PCDHGB6: variants seen among roughly 807,000 people sequenced by gnomAD.
The protein encoded by PCDHGB6 is protocadherin gamma subfamily B, 6, also known as protocadherin gamma-B6.
In PCDHGB6, 51 loss-of-function variants were observed where a neutral mutation model predicts 59.1. The observed-to-expected ratio is 0.86, with a 90% CI of 0.69 to 1.09. The LOEUF is 1.09. Among genes scored for constraint, PCDHGB6 ranks in the 50% least tolerant of loss-of-function variants. The pLI is 0.00. For synonymous variants in PCDHGB6, 466 were observed against 495.1 expected (o/e 0.94, Z 0.78); for missense variants, 1,148 against 1,205.1 (o/e 0.95, Z 0.70).
At chr5:141,436,959 G>A (rs1385958934) in intron 1 of PCDHGB6, among the ~76,000 whole-genome samples, 1 of 152,120 alleles carries the variant, frequency 6.6e-6, no homozygotes, top group Non-Finnish European at 1.5e-5. Context: ...TCTAAACAAG[G>A]ATCTTGTGAA....
At position 141,409,705 on chromosome 5, in the gene PCDHGB6, G is replaced by A. The variant is rs747252229; in HGVS notation, c.1503G>A (p.Val501=). The A allele has an allele frequency of 6.2e-6, 10 of 1,613,134 alleles. No individual in the cohort carries two copies. The highest frequency in any genetic ancestry group is 7.6e-6 in the Non-Finnish European group (9 of 1,179,878). ...CGAGTGACCTAGAGCCCCTGGCGGT[G>A]TCGTCATACGTGTCAGTGAGCGCGC... ...IVASDLEPLA[V]SSYVSVSAQS... The change falls in exon 1 of 4, where the codon GTG becomes GTA. Residue 501 remains valine (V), a synonymous_variant. Transcript: ENST00000520790.
rs115607451 is a variant in PCDHGB6, at chr5:141,508,636, A to C, written c.2567-2311A>C. Among the ~76,000 whole-genome samples, 998 of 151,746 alleles carry C rather than the reference A, an allele frequency of 6.6e-3. 12 individuals are homozygous for C. The highest frequency in any genetic ancestry group is 0.023 in the African/African-American group (958 of 41,372). ...ACGTGGGTGGGCCGAGCTTCTAGCT[A>C]CTCCGTCAGGCCCTTCCTGTCATTC... On this transcript the variant is annotated intron_variant, in intron 3 of 3. Transcript: ENST00000520790.
At chr5:141,483,222 C>A (rs1011389295) in intron 1 of PCDHGB6, among the ~76,000 whole-genome samples, 4 of 152,078 alleles carry the variant, frequency 2.6e-5, no homozygotes, top group African/African-American at 9.7e-5. Context: ...ACAGTCACTG[C>A]AGAAATTTGA....
At chr5:141,451,060 C>T (rs1241509553) in intron 1 of PCDHGB6, among the ~76,000 whole-genome samples, 1 of 151,562 alleles carries the variant, frequency 6.6e-6, no homozygotes, top group African/African-American at 2.4e-5. Context: ...GAACTCCTGA[C>T]CTTGTGATCC....
rs2095221617 is a variant in PCDHGB6, at chr5:141,409,080, C to T, written c.878C>T (p.Ser293Leu). ...GCCCAGAGCACAAAACATATGTTCT[C>T]ATTGGATGAGAAAACAGGTATGATT... ...STAQSTKHMF[S>L]LDEKTGMIKN... Residue 293 changes from serine (S) to leucine (L), a missense_variant, in exon 1 of 4, where the codon TCA becomes TTA. Transcript: ENST00000520790. The T allele has an allele frequency of 6.2e-7, 1 of 1,613,988 alleles. No individual in the cohort carries two copies. Among genetic ancestry groups the T allele is most frequent in the Non-Finnish European group, 8.5e-7 (1 of 1,179,900 alleles).
Position 141,421,937 on chromosome 5 carries a change from A to G in PCDHGB6, c.2418+11317A>G, listed in dbSNP as rs375878901. The G allele has an allele frequency of 1.5e-5, 25 of 1,613,402 alleles. No homozygotes were observed. In the African/African-American group the frequency reaches 1.6e-4, roughly 10 times the overall value. ...ATTCGTGTGGTGGTCCTCGATGTAA[A>G]TGATCACATCCCAATGTTTACACAG... On this transcript the variant is annotated intron_variant, in intron 1 of 3. Coordinates refer to ENST00000520790, the MANE Select transcript of PCDHGB6 (RefSeq NM_018926.3).
At chr5:141,410,847 G>GTTTTT (rs773839667) in intron 1 of PCDHGB6, 12 of 158,330 alleles carry the variant, frequency 7.6e-5, no homozygotes, top group African/African-American at 2.5e-4. Flanking sequence ...TTTTGTCTTT[G>GTTTTT]TCTTTTTTTT....
In PCDHGB6 at chr5:141,487,120, T is replaced by C. The variant is rs1342042604; in HGVS notation, c.2419-7687T>C. 1.9e-6 allele frequency: 3 copies of C among 1,613,948 alleles called. No homozygotes were observed. Among genetic ancestry groups the C allele is most frequent in the Admixed American group, 1.7e-5 (1 of 60,028 alleles). ...AGAAGCTGGTCATTGTGGTAAAGGA[T>C]AGTGGTAGTCCACCACTCTCTACCT... On this transcript the variant is annotated intron_variant, in intron 1 of 3. Coordinates refer to ENST00000520790, the MANE Select transcript of PCDHGB6 (RefSeq NM_018926.3). The surrounding 1 kb of genome is among the most constrained non-coding windows in gnomAD (Gnocchi z 5.0).
intron 3 of PCDHGB6, among the ~76,000 whole-genome samples, chr5:141,506,682 C>A (rs1333272766): frequency 6.6e-6 from 1 of 152,192 alleles, no homozygotes; most frequent in East Asian, 1.9e-4. Context: ...ATATTATTAT[C>A]TTTGCTGACC....
chr5:141,510,949 G>C lies in PCDHGB6; in HGVS notation c.2569G>C (p.Ala857Pro), dbSNP rs762789865. The C allele has an allele frequency of 2.2e-5, 36 of 1,614,012 alleles. No homozygotes were observed. The highest frequency in any genetic ancestry group is 3.0e-5 in the Non-Finnish European group (35 of 1,180,020). ...CTGATCTTCCTCTGTCTCTGCAGAA[G>C]CTGCTGATGGGAGCTCCACCCTGGG... ...QAMILASASE[A>P]ADGSSTLGGG... is the part of the protein sequence containing the mutation. The change falls in exon 4 of 4, where the codon GCT (alanine) becomes CCT (proline). Residue 857 changes from alanine (A) to proline (P), a missense_variant and splice_region_variant. Around this residue, in one of 5 missense-constraint regions of PCDHGB6, gnomAD observed 283 missense variants for 318.6 expected, o/e 0.89. Coordinates refer to ENST00000520790, the MANE Select transcript of PCDHGB6 (RefSeq NM_018926.3).
intron 1 of PCDHGB6, among the ~76,000 whole-genome samples, chr5:141,465,422 G>A (rs74711061): frequency 0.01 from 1,576 of 152,260 alleles, 21 homozygotes; most frequent in African/African-American, 0.037. Context: ...AGCACTGAAA[G>A]GTGGGCACTT....
intron 1 of PCDHGB6, among the ~76,000 whole-genome samples, chr5:141,468,857 C>A (rs1386167428): frequency 2.0e-5 from 3 of 151,962 alleles, no homozygotes; most frequent in Non-Finnish European, 4.4e-5. Context: ...CAGAGCGAGA[C>A]TCCATCTCAA....
rs773474154 is a variant in PCDHGB6, at chr5:141,477,751, G to A, written c.2419-17056G>A. The A allele has an allele frequency of 5.0e-6, 8 of 1,613,712 alleles. No individual in the cohort carries two copies. The highest frequency in any genetic ancestry group is 6.8e-6 in the Non-Finnish European group (8 of 1,180,030). ...CTCATATCAGCGATGGGGGCACCCC[G>A]GTCCTAGCCACCAACATCAGCGTGA... On this transcript the variant is annotated intron_variant, in intron 1 of 3. Transcript: ENST00000520790. The surrounding 1 kb of genome is among the most constrained non-coding windows in gnomAD (Gnocchi z 4.9).
In PCDHGB6 at chr5:141,418,449, A is replaced by G. The variant is rs781224972; in HGVS notation, c.2418+7829A>G. ...GGCAAATATCCAGAATTAGTATTGC[A>G]GAAGACTCTGGACCGAGAAACGCAG... On this transcript the variant is annotated intron_variant, in intron 1 of 3. Coordinates refer to ENST00000520790, the MANE Select transcript of PCDHGB6 (RefSeq NM_018926.3). 8.1e-6 allele frequency: 13 copies of G among 1,613,922 alleles called. No homozygotes were observed. The Admixed American group carries it at 1.2e-4, about 14-fold the overall frequency.
intron 2 of PCDHGB6, among the ~76,000 whole-genome samples, chr5:141,496,903 A>G (rs990378360): frequency 1.1e-4 from 16 of 150,744 alleles, no homozygotes; most frequent in Non-Finnish European, 2.4e-4. Flanking sequence ...AAAAAAAAAA[A>G]GGCTGGGCAC....
intron 1 of PCDHGB6, chr5:141,423,728 T>C (rs1312071121): frequency 9.4e-6 from 10 of 1,067,510 alleles, no homozygotes; most frequent in Non-Finnish European, 1.1e-5. Context: ...AGATGTTTTT[T>C]GAGCCTGTTA....
At position 141,511,575 on chromosome 5, in the gene PCDHGB6, T is replaced by C. The variant is rs930675653; in HGVS notation, c.*402T>C. On this transcript the variant is annotated 3_prime_UTR_variant, in exon 4 of 4. Transcript: ENST00000520790. ...AGTTCCTCTTTCCCGAGTAAGGTGG[T>C]TGGGGTGTTGAAGTACCAAGTAACC... 28 of 287,258 alleles carry C rather than the reference T, an allele frequency of 9.7e-5. No individual in the cohort carries two copies. Among genetic ancestry groups the C allele is most frequent in the Middle Eastern group, 1.3e-3 (1 of 784 alleles). The allele number at this position is 287,258 out of a possible 1,614,324, so 17.8% of individuals were successfully genotyped here.
At chr5:141,510,139 G>T (rs931012964) in intron 3 of PCDHGB6, among the ~76,000 whole-genome samples, 1 of 152,136 alleles carries the variant, frequency 6.6e-6, no homozygotes, top group Non-Finnish European at 1.5e-5. Context: ...CTGGGCTAGT[G>T]GTGTGCACCT....
At position 141,512,091 on chromosome 5, in the gene PCDHGB6, A is replaced by C. The variant is rs1329025049; in HGVS notation, c.*918A>C. On this transcript the variant is annotated 3_prime_UTR_variant, in exon 4 of 4. Transcript: ENST00000520790. The stretch of plus-strand genomic sequence containing the variant: ...TCCAGATTCCAGCCATAAACCAATA[A>C]CTAGGCTGGACCCTTCCCACTACAT... 1 of 152,656 alleles carries C rather than the reference A, an allele frequency of 6.6e-6. No homozygotes were observed. The highest frequency in any genetic ancestry group is 2.4e-5 in the African/African-American group (1 of 41,456). 9.5% of individuals were successfully genotyped at this position (152,656 alleles called of 1,614,324 possible). A position where few individuals can be genotyped will look rare whatever the true frequency, so the allele number is the denominator to read the frequency against.
Sources: allele counts gnomAD v4.1 joint callset (sites outside exome capture counted in the v4.1 genomes callset), GRCh38; gene constraint gnomAD v4.1.1; regional missense constraint gnomAD v4.1.1; non-coding constraint Gnocchi (gnomAD v3.1); transcripts MANE v1.5; gene names NCBI Gene and HGNC (gene_info 2026-07-23, HGNC 2026-07-21).